Variants in MNAT1 observed in about 807,000 individuals in gnomAD.
The protein encoded by MNAT1 is MNAT1 component of CDK activating kinase, also known as CDK-activating kinase assembly factor MAT1.
A neutral mutation model predicts 42.0 loss-of-function variants in MNAT1; 43 were observed. The observed-to-expected ratio is 1.02, with a 90% CI of 0.80 to 1.32. MNAT1 has a LOEUF of 1.32. Ranked by LOEUF, MNAT1 falls within the 40% of genes most tolerant of loss-of-function variation. The probability of loss-of-function intolerance (pLI) is 0.00; values close to 1 mark genes in which losing one functional copy is unlikely to be tolerated. For missense variants in MNAT1, 306 were observed against 350.4 expected (o/e 0.87, Z 1.01); for synonymous variants, 118 against 120.0 (o/e 0.98, Z 0.11).
intron 7 of MNAT1, among the ~76,000 whole-genome samples, chr14:60,882,875 A>T (rs1240597129): frequency 6.6e-6 from 1 of 152,122 alleles, no homozygotes; most frequent in African/African-American, 2.4e-5. Context: ...TGCCATTTGT[A>T]TATCTTCCTT....
At chr14:60,776,043 A>T (rs988248834) in intron 1 of MNAT1, among the ~76,000 whole-genome samples, 4 of 152,230 alleles carry the variant, frequency 2.6e-5, no homozygotes, top group Admixed American at 2.6e-4. Context: ...ACAGTCATGG[A>T]CTGGTAGATA....
chr14:60,932,484 A>G (rs1004977687), intron 7 of MNAT1, among the ~76,000 whole-genome samples: 11 of 152,030 alleles, frequency 7.2e-5, no homozygotes, highest in African/African-American at 2.4e-4. Context: ...ACATGGTTAA[A>G]TAATGATTAA....
intron 7 of MNAT1, among the ~76,000 whole-genome samples, chr14:60,909,766 C>T (rs915163212): frequency 6.6e-5 from 10 of 152,164 alleles, no homozygotes; most frequent in Non-Finnish European, 1.2e-4. Flanking sequence ...GTGATGCCTC[C>T]AGCTTTGTTC....
At position 60,834,272 on chromosome 14, in the gene MNAT1, G is replaced by A. The variant is rs1213819900; in HGVS notation, c.687+15425G>A. ...CTTTTAATTGTGATGTTAGTGTGTC[G>A]ATTTTAGATGTTTCCCACTTCGTAC... On this transcript the variant is annotated intron_variant, in intron 6 of 7. Coordinates refer to ENST00000261245, the MANE Select transcript of MNAT1 (RefSeq NM_002431.4). 5.3e-5 allele frequency among the ~76,000 whole-genome samples: 8 copies of A among 151,750 alleles called. No individual in the cohort carries two copies. In the South Asian group the frequency reaches 6.2e-4, roughly 12 times the overall value.
At chr14:60,895,401 G>C (rs1052753427) in intron 7 of MNAT1, among the ~76,000 whole-genome samples, 2 of 152,178 alleles carry the variant, frequency 1.3e-5, no homozygotes, top group African/African-American at 4.8e-5. Flanking sequence ...TAAGGTATCA[G>C]TTTTGTAAAG....
At chr14:60,839,422 G>T (rs1452065749) in intron 6 of MNAT1, among the ~76,000 whole-genome samples, 2 of 152,146 alleles carry the variant, frequency 1.3e-5, no homozygotes, top group South Asian at 2.1e-4. Flanking sequence ...CTGTTCTTTT[G>T]TTCAGTAAAG....
chr14:60,931,240 A>T (rs990147713), intron 7 of MNAT1, among the ~76,000 whole-genome samples: 1 of 152,158 alleles, frequency 6.6e-6, no homozygotes, highest in Non-Finnish European at 1.5e-5. Flanking sequence ...GATGACTTTC[A>T]TAGGGTTCAG....
chr14:60,828,955 T>C (rs2033141338), intron 6 of MNAT1, among the ~76,000 whole-genome samples: 1 of 152,178 alleles, frequency 6.6e-6, no homozygotes, highest in Admixed American at 6.5e-5. Context: ...CGGGGTGGGC[T>C]ACCATCCTAG....
At chr14:60,751,653 A>C (rs2140293098) in intron 1 of MNAT1, among the ~76,000 whole-genome samples, 1 of 152,056 alleles carries the variant, frequency 6.6e-6, no homozygotes, top group East Asian at 1.9e-4. Flanking sequence ...TTACATGTAC[A>C]AACAAATATA....
At chr14:60,951,616 G>A (rs778194665) in intron 7 of MNAT1, among the ~76,000 whole-genome samples, 13 of 151,780 alleles carry the variant, frequency 8.6e-5, no homozygotes, top group Non-Finnish European at 2.9e-5. Flanking sequence ...TTTCCTTGCC[G>A]TATGGCAGCT....
At chr14:60,755,807 A>G (rs1016872990) in intron 1 of MNAT1, among the ~76,000 whole-genome samples, 13 of 152,340 alleles carry the variant, frequency 8.5e-5, no homozygotes, top group Non-Finnish European at 1.3e-4. Flanking sequence ...ACTGTCATAT[A>G]TAGTCCAATA....
chr14:60,929,180 T>TATAC (rs1344485022), intron 7 of MNAT1, among the ~76,000 whole-genome samples: 1 of 142,260 alleles, frequency 7.0e-6, no homozygotes, highest in East Asian at 2.0e-4. Context: ...AATATATATA[T>TATAC]ATATATATAT....
chr14:60,759,396 A>C (rs189107544), intron 1 of MNAT1, among the ~76,000 whole-genome samples: 2 of 152,320 alleles, frequency 1.3e-5, no homozygotes, highest in African/African-American at 4.8e-5. Context: ...TGGCTTGCAC[A>C]GCATTTAAAT....
intron 7 of MNAT1, among the ~76,000 whole-genome samples, chr14:60,896,333 A>G (rs1285736131): frequency 6.6e-6 from 1 of 152,168 alleles, no homozygotes; most frequent in Non-Finnish European, 1.5e-5. Flanking sequence ...TTGATTGTCA[A>G]TGTGAGACTC....
chr14:60,945,101 A>G (rs796726178), intron 7 of MNAT1, among the ~76,000 whole-genome samples: 7 of 152,322 alleles, frequency 4.6e-5, no homozygotes, highest in African/African-American at 1.7e-4. Context: ...ACTTACCATC[A>G]TCATGTAGGC....
At chr14:60,758,973 C>G (rs1290821301) in intron 1 of MNAT1, among the ~76,000 whole-genome samples, 1 of 152,124 alleles carries the variant, frequency 6.6e-6, no homozygotes, top group African/African-American at 2.4e-5. Flanking sequence ...TTTCCTCTGG[C>G]TTTATGTAAT....
intron 6 of MNAT1, among the ~76,000 whole-genome samples, chr14:60,833,565 G>A (rs1450743069): frequency 6.6e-6 from 1 of 152,110 alleles, no homozygotes; most frequent in Non-Finnish European, 1.5e-5. Flanking sequence ...GGATGTGCTG[G>A]TGGATTCAGT....
chr14:60,886,902 G>A (rs1002318710), intron 7 of MNAT1, among the ~76,000 whole-genome samples: 2 of 152,000 alleles, frequency 1.3e-5, no homozygotes, highest in Non-Finnish European at 1.5e-5. Context: ...CCAATTCTAT[G>A]TTGAATGTAA....
chr14:60,968,281 ACTT>A lies in MNAT1; in HGVS notation c.868_870del (p.Ser290del), dbSNP rs1566585057. On this transcript the variant is annotated inframe_deletion, in exon 8 of 8. Coordinates refer to ENST00000261245, the MANE Select transcript of MNAT1 (RefSeq NM_002431.4). ...ACCACAGGACCTTGCTGGAGGCTATACTTCTTCTCTTGCTTGTCACAGAGCACT... is the reference window on the plus strand; with the variant it reads ...ACCACAGGACCTTGCTGGAGGCTATACTTCTCTTGCTTGTCACAGAGCACT... The A allele has an allele frequency of 1.2e-6, 2 of 1,613,986 alleles. No individual in the cohort carries two copies. The highest frequency in any genetic ancestry group is 1.7e-6 in the Non-Finnish European group (2 of 1,179,926).
Sources: allele counts gnomAD v4.1 joint callset (sites outside exome capture counted in the v4.1 genomes callset), GRCh38; gene constraint gnomAD v4.1.1; transcripts MANE v1.5; gene names NCBI Gene and HGNC (gene_info 2026-07-23, HGNC 2026-07-21).